Variants in ATF7IP observed in about 807,000 individuals in gnomAD.
The protein encoded by ATF7IP is activating transcription factor 7 interacting protein.
In ATF7IP, 23 loss-of-function variants were observed where a neutral mutation model predicts 106.4. The observed-to-expected ratio is 0.22, with a 90% CI of 0.16 to 0.31. The LOEUF is 0.31. ATF7IP is among the 10% of genes least tolerant of loss of function. The pLI, the probability that ATF7IP is intolerant of heterozygous loss-of-function variation, is 1.00. For synonymous variants in ATF7IP, 542 were observed against 539.0 expected (o/e 1.01, Z -0.08); for missense variants, 1,334 against 1,524.3 (o/e 0.88, Z 2.08).
At chr12:14,471,631 G>T (rs1356620616) in intron 10 of ATF7IP, among the ~76,000 whole-genome samples, 1 of 152,078 alleles carries the variant, frequency 6.6e-6, no homozygotes, top group Non-Finnish European at 1.5e-5. Context: ...GGCACAAGGG[G>T]AAGCAAACAT....
chr12:14,379,358 A>T (rs1043965444), intron 1 of ATF7IP, among the ~76,000 whole-genome samples: 15 of 152,332 alleles, frequency 9.8e-5, no homozygotes, highest in Middle Eastern at 3.4e-3. Context: ...CTTCCTGTAC[A>T]GCCAGCAGAA....
intron 10 of ATF7IP, among the ~76,000 whole-genome samples, chr12:14,473,758 T>C (rs1381879397): frequency 6.6e-6 from 1 of 152,002 alleles, no homozygotes; most frequent in Non-Finnish European, 1.5e-5. Flanking sequence ...TTGTATCTTT[T>C]GTCTCCTTTT....
chr12:14,437,941 T>C (rs1327438604), intron 4 of ATF7IP, among the ~76,000 whole-genome samples, 189 bp from the exon 5 acceptor site: 2 of 151,610 alleles, frequency 1.3e-5, no homozygotes, highest in Non-Finnish European at 3.0e-5. Flanking sequence ...TAGTCCCAGC[T>C]ACTTGGGAGG....
chr12:14,415,864 G>A (rs1438079178), intron 1 of ATF7IP, among the ~76,000 whole-genome samples: 2 of 151,996 alleles, frequency 1.3e-5, no homozygotes, highest in Non-Finnish European at 2.9e-5. Context: ...TATGTGCATA[G>A]GTTATATGCA....
chr12:14,382,059 T>C (rs985071981), intron 1 of ATF7IP, among the ~76,000 whole-genome samples: 1 of 152,130 alleles, frequency 6.6e-6, no homozygotes, highest in African/African-American at 2.4e-5. Flanking sequence ...AATTAGCCAG[T>C]TGTGGTGGTG....
At chr12:14,481,276 A>C (rs772043677) in intron 13 of ATF7IP, 91 bp downstream of exon 13, 3 of 1,291,598 alleles carry the variant, frequency 2.3e-6, no homozygotes, top group Non-Finnish European at 3.2e-6. Context: ...TAAATTTTGC[A>C]AAAATTTCTT....
chr12:14,375,507 T>G (rs1184499757), intron 1 of ATF7IP, among the ~76,000 whole-genome samples: 1 of 151,890 alleles, frequency 6.6e-6, no homozygotes, highest in Non-Finnish European at 1.5e-5. Flanking sequence ...CCAAACTTAC[T>G]TTAAATGATT....
Position 14,499,106 on chromosome 12 carries a change from A to T in ATF7IP, c.*1033A>T, listed in dbSNP as rs1565564116. ...GGTGATCCACCCGCCTCGGCCTCCC[A>T]GAGTGCTGCGATTACAGTTGTGAGC... On this transcript the variant is annotated 3_prime_UTR_variant, in exon 15 of 15. Coordinates refer to ENST00000261168, the MANE Select transcript of ATF7IP (RefSeq NM_018179.5). The T allele has an allele frequency of 6.6e-6, 1 of 152,216 alleles. No homozygotes were observed. Among genetic ancestry groups the T allele is most frequent in the East Asian group, 1.9e-4 (1 of 5,190 alleles). The allele number at this position is 152,216 out of a possible 1,614,324, so 9.4% of individuals were successfully genotyped here.
At chr12:14,477,701 A>C (rs190480266) in intron 11 of ATF7IP, among the ~76,000 whole-genome samples, 2 of 152,336 alleles carry the variant, frequency 1.3e-5, no homozygotes, top group Admixed American at 1.3e-4. Context: ...TTTAGTGTGG[A>C]ATTCTATAGG....
chr12:14,492,131 G>A (rs1451185729), intron 13 of ATF7IP, among the ~76,000 whole-genome samples: 1 of 152,146 alleles, frequency 6.6e-6, no homozygotes, highest in Non-Finnish European at 1.5e-5. Context: ...TGCCAATTAT[G>A]CATTTTGGCA....
At chr12:14,461,198 C>CT (rs995084949) in intron 9 of ATF7IP, 65 bp downstream of exon 9, 670 of 1,414,660 alleles carry the variant, frequency 4.7e-4, no homozygotes, top group South Asian at 8.9e-4. Flanking sequence ...AATGATTGAA[C>CT]TTTTTTTTTC....
At chr12:14,371,040 T>C (rs1364581905) in intron 1 of ATF7IP, among the ~76,000 whole-genome samples, 3 of 151,952 alleles carry the variant, frequency 2.0e-5, no homozygotes, top group Non-Finnish European at 4.4e-5. Flanking sequence ...TATTTTCTGA[T>C]AAGGATGTTT....
chr12:14,414,580 T>C (rs116777667), intron 1 of ATF7IP, among the ~76,000 whole-genome samples: 2,726 of 152,306 alleles, frequency 0.018, 85 homozygotes, highest in African/African-American at 0.062. Flanking sequence ...TAAAAGCTAT[T>C]GTATACTGTA....
intron 13 of ATF7IP, among the ~76,000 whole-genome samples, chr12:14,490,201 C>T (rs956757371): frequency 2.3e-4 from 35 of 152,302 alleles, no homozygotes; most frequent in South Asian, 1.2e-3. Flanking sequence ...CGGGTGGCTG[C>T]GGATAGAGGC....
chr12:14,404,592 C>A (rs940690187), intron 1 of ATF7IP, among the ~76,000 whole-genome samples: 1 of 152,104 alleles, frequency 6.6e-6, no homozygotes, highest in Non-Finnish European at 1.5e-5. Flanking sequence ...ATCTGTCATA[C>A]CCTGGTGTGT....
rs753994466 is a variant in ATF7IP at position 14,481,041 on chromosome 12, C to G, written c.3136C>G (p.Gln1046Glu). Residue 1046 changes from glutamine (Q) to glutamate (E), a missense_variant, in exon 13 of 15, where the codon CAG becomes GAG. Transcript: ENST00000261168. ...TVNVTHRPVT[Q>E]VTTRLPVPRA... is the part of the protein sequence containing the mutation. ...GAATGTAACACATCGTCCAGTAACT[C>G]AGGTGACCACAAGACTCCCTGTACC... 2 of 1,613,998 alleles carry G rather than the reference C, an allele frequency of 1.2e-6. No homozygotes were observed. The highest frequency in any genetic ancestry group is 4.5e-5 in the East Asian group (2 of 44,874).
intron 9 of ATF7IP, 33 bp from the exon 10 acceptor site, chr12:14,466,487 TTGTAGA>T (rs1332792020): frequency 6.5e-7 from 1 of 1,534,304 alleles, no homozygotes; most frequent in Non-Finnish European, 8.9e-7. Flanking sequence ...TTTTTACATT[TTGTAGA>T]TGTTTTTAAA....
At chr12:14,413,630 C>T (rs576268121) in intron 1 of ATF7IP, among the ~76,000 whole-genome samples, 2 of 152,160 alleles carry the variant, frequency 1.3e-5, no homozygotes, top group Admixed American at 1.3e-4. Flanking sequence ...TTTATTAATT[C>T]ACATCATATG....
chr12:14,424,682 C>A lies in ATF7IP; in HGVS notation c.767C>A (p.Ser256Tyr). The change falls in exon 2 of 15, where the codon TCT becomes TAT. Residue 256 changes from serine (S) to tyrosine (Y), a missense_variant. Ser to Tyr is a moderately radical substitution (Grantham distance 144). Coordinates refer to ENST00000261168, the MANE Select transcript of ATF7IP (RefSeq NM_018179.5). ...STDPASDDLA[S>Y]GDLSSSELAS... ...GATCCAGCCTCTGATGATCTGGCCT[C>A]TGGTGATCTATCCTCTAGTGAACTG... 6.2e-7 allele frequency: 1 copy of A among 1,614,210 alleles called. No homozygotes were observed. The highest frequency in any genetic ancestry group is 8.5e-7 in the Non-Finnish European group (1 of 1,180,044).
Sources: allele counts gnomAD v4.1 joint callset (sites outside exome capture counted in the v4.1 genomes callset), GRCh38; gene constraint gnomAD v4.1.1; transcripts MANE v1.5; gene names NCBI Gene and HGNC (gene_info 2026-07-23, HGNC 2026-07-21).